COL23A1: variants seen among roughly 807,000 people sequenced by gnomAD.
COL23A1 encodes collagen type XXIII alpha 1 chain, also known as collagen alpha-1(XXIII) chain.
In COL23A1, 97 loss-of-function variants were observed where a neutral mutation model predicts 99.3. The observed-to-expected ratio is 0.98, with a 90% CI of 0.83 to 1.16. COL23A1 has a LOEUF of 1.16. Ranked by LOEUF, COL23A1 falls within the 50% of genes most tolerant of loss-of-function variation. COL23A1 has a pLI of 0.00. For synonymous variants in COL23A1, 320 were observed against 308.2 expected, an observed-to-expected ratio of 1.04 and a Z score of -0.40; for missense variants, 762 against 757.4, an observed-to-expected ratio of 1.01 and a Z score of -0.07.
intron 27 of COL23A1, 122 bp from the exon 28 acceptor site, chr5:178,239,301 G>C (rs992776579): frequency 1.2e-5 from 13 of 1,086,760 alleles, no homozygotes; most frequent in African/African-American, 4.6e-5. Flanking sequence ...AGACTGCTGG[G>C]CCCCACTGAG....
intron 2 of COL23A1, among the ~76,000 whole-genome samples, chr5:178,323,869 A>G (rs1259752056): frequency 1.3e-5 from 2 of 152,170 alleles, no homozygotes; most frequent in African/African-American, 4.8e-5. Context: ...TTGCAGATGA[A>G]GCAAAAGAGG....
At chr5:178,539,268 C>T (rs1462669817) in intron 2 of COL23A1, among the ~76,000 whole-genome samples, 2 of 152,074 alleles carry the variant, frequency 1.3e-5, no homozygotes, top group East Asian at 3.9e-4. Flanking sequence ...ATAATGAGGC[C>T]GAGCACGGTG....
At chr5:178,424,174 G>A (rs945291175) in intron 2 of COL23A1, among the ~76,000 whole-genome samples, 1 of 152,212 alleles carries the variant, frequency 6.6e-6, no homozygotes, top group South Asian at 2.1e-4. Context: ...TTGCAGGCCC[G>A]CAGCTATTCA....
chr5:178,508,567 G>C (rs988272968), intron 2 of COL23A1, among the ~76,000 whole-genome samples: 1 of 152,152 alleles, frequency 6.6e-6, no homozygotes, highest in Non-Finnish European at 1.5e-5. Context: ...TGGACACCAG[G>C]TTCCCCACTT....
chr5:178,566,273 C>G (rs889943941), intron 1 of COL23A1, among the ~76,000 whole-genome samples: 1 of 152,126 alleles, frequency 6.6e-6, no homozygotes, highest in Admixed American at 6.5e-5. Context: ...TTAAGGGTGA[C>G]AGAACTGTTC....
chr5:178,476,227 C>A (rs1014862995), intron 2 of COL23A1, among the ~76,000 whole-genome samples: 1 of 152,178 alleles, frequency 6.6e-6, no homozygotes, highest in South Asian at 2.1e-4. Flanking sequence ...ATACAGCATG[C>A]CTGCCGTTCT....
intron 2 of COL23A1, among the ~76,000 whole-genome samples, chr5:178,414,664 T>G (rs974054068): frequency 1.3e-5 from 2 of 152,042 alleles, no homozygotes; most frequent in Non-Finnish European, 2.9e-5. Context: ...CCCAGCCTCT[T>G]GGGAGGCTGA....
chr5:178,286,752 C>G (rs965189628), intron 5 of COL23A1, among the ~76,000 whole-genome samples: 1 of 152,210 alleles, frequency 6.6e-6, no homozygotes, highest in African/African-American at 2.4e-5. Context: ...GGCACCTGCT[C>G]TGGTGTGGCT....
At position 178,544,987 on chromosome 5, in the gene COL23A1, G is replaced by C. The variant is rs1243465479; in HGVS notation, c.361+15695C>G. Among the ~76,000 whole-genome samples, 2 of 152,204 alleles carry C rather than the reference G, an allele frequency of 1.3e-5. No homozygotes were observed. The highest frequency in any genetic ancestry group is 4.8e-5 in the African/African-American group (2 of 41,444). ...TGCCTGTAGTCCCAGCTACTTGGGA[G>C]GCTGAGGTAAGAGGATCATTGAGCC... is the stretch of plus-strand genomic sequence containing the variant. On this transcript the variant is annotated intron_variant, in intron 2 of 28. Coordinates refer to ENST00000390654, the MANE Select transcript of COL23A1 (RefSeq NM_173465.4). This position sits in a 1 kb window ranked among gnomAD's most constrained non-coding sequence, Gnocchi z 4.4.
intron 2 of COL23A1, among the ~76,000 whole-genome samples, chr5:178,328,354 T>A (rs192507983): frequency 6.6e-6 from 1 of 152,306 alleles, no homozygotes; most frequent in African/African-American, 2.4e-5. Context: ...CCAAGGGGCC[T>A]TTCTAACACT....
chr5:178,519,626 G>A (rs1459569745), intron 2 of COL23A1, among the ~76,000 whole-genome samples: 1 of 152,180 alleles, frequency 6.6e-6, no homozygotes, highest in African/African-American at 2.4e-5. Context: ...CATCTCACAG[G>A]TGTCAGTTTG....
rs945367247 is a variant in COL23A1, at chr5:178,321,216, T to C, written c.362-14297A>G. ...GGCATCAAGCACAGTCACGCTGTTG[T>C]GCGGCCACCAGCACCATCCCTCTCC... On this transcript the variant is annotated intron_variant, in intron 2 of 28. Transcript: ENST00000390654. Among the ~76,000 whole-genome samples, 3 of 152,226 alleles carry C rather than the reference T, an allele frequency of 2.0e-5. No homozygotes were observed. In the East Asian group the frequency reaches 5.8e-4, roughly 29 times the overall value.
chr5:178,251,925 T>TTTTTTTTTTTTC (rs1554125608), intron 17 of COL23A1, among the ~76,000 whole-genome samples: 1 of 142,794 alleles, frequency 7.0e-6, no homozygotes, highest in Non-Finnish European at 1.5e-5. Flanking sequence ...TTTTTTTTTT[T>TTTTTTTTTTTTC]ATTTTGAGAC....
chr5:178,262,368 C>T (rs1561802545), intron 9 of COL23A1, 116 bp from the exon 10 acceptor site: 8 of 957,194 alleles, frequency 8.4e-6, no homozygotes, highest in East Asian at 2.7e-5. Context: ...ATCTCATTCT[C>T]GCCAAACCTG....
intron 2 of COL23A1, among the ~76,000 whole-genome samples, chr5:178,541,299 G>A (rs1350689962): frequency 6.6e-6 from 1 of 152,182 alleles, no homozygotes; most frequent in Non-Finnish European, 1.5e-5. Flanking sequence ...TTTCAAAAAT[G>A]ATTTGGGGCC....
At chr5:178,345,694 T>A (rs1760929444) in intron 2 of COL23A1, among the ~76,000 whole-genome samples, 2 of 148,292 alleles carry the variant, frequency 1.3e-5, no homozygotes, top group Admixed American at 6.7e-5. Context: ...TTTTTTGTAT[T>A]TTTTTTTTTT....
At chr5:178,256,755 C>T in intron 14 of COL23A1, 111 bp downstream of exon 14, 1 of 1,094,452 alleles carries the variant, frequency 9.1e-7, no homozygotes, top group Non-Finnish European at 1.3e-6. Context: ...GGGTCAGGCC[C>T]TCCTGGGACT....
chr5:178,249,991 A>G lies in COL23A1; in HGVS notation c.1059+70T>C, dbSNP rs1050579237. 2,774 of 1,375,790 alleles carry G rather than the reference A, an allele frequency of 2.0e-3. 1 individual carries two copies. The highest frequency in any genetic ancestry group is 2.4e-3 in the Non-Finnish European group (2,327 of 984,206). 85.2% of individuals were successfully genotyped at this position (1,375,790 alleles called of 1,614,324 possible). A position where few individuals can be genotyped will look rare whatever the true frequency, so the allele number is the denominator to read the frequency against. On this transcript the variant is annotated intron_variant, in intron 18 of 28. Transcript: ENST00000390654. ...TCTGTGCACACATGCACACGCACAC[A>G]CACACACACACACACACAGAGCCCA... is the stretch of plus-strand genomic sequence containing the variant.
intron 2 of COL23A1, among the ~76,000 whole-genome samples, chr5:178,343,333 G>A (rs1490137359): frequency 6.6e-6 from 1 of 152,200 alleles, no homozygotes; most frequent in African/African-American, 2.4e-5. Flanking sequence ...GGACACGAGG[G>A]AGCAGTCATG....
Sources: allele counts gnomAD v4.1 joint callset (sites outside exome capture counted in the v4.1 genomes callset), GRCh38; gene constraint gnomAD v4.1.1; non-coding constraint Gnocchi (gnomAD v3.1); transcripts MANE v1.5; gene names NCBI Gene and HGNC (gene_info 2026-07-23, HGNC 2026-07-21).